EYS: variants seen among roughly 807,000 people sequenced by gnomAD.
EYS encodes the protein EGF-like photoreceptor maintenance factor.
EYS carries 250 observed loss-of-function variants against 282.1 expected under a neutral mutation model. That is an observed-to-expected ratio of 0.89 (90% CI 0.80 to 0.98). The LOEUF is 0.98. Among genes scored for constraint, EYS ranks in the 50% least tolerant of loss-of-function variants. The pLI is 0.00. For synonymous variants in EYS, 1,355 were observed against 1,282.9 expected, an observed-to-expected ratio of 1.06 and a Z score of -1.20; for missense variants, 4,016 against 3,709.0, an observed-to-expected ratio of 1.08 and a Z score of -2.15.
intron 36 of EYS, among the ~76,000 whole-genome samples, chr6:63,847,750 T>C (rs1391893510): frequency 1.3e-5 from 2 of 152,252 alleles, no homozygotes; most frequent in Non-Finnish European, 2.9e-5. Flanking sequence ...TTTCAGTCTA[T>C]TCAAGTTTAG....
chr6:64,611,628 T>C (rs1452332760), intron 24 of EYS, among the ~76,000 whole-genome samples: 1 of 152,182 alleles, frequency 6.6e-6, no homozygotes, highest in Non-Finnish European at 1.5e-5. Context: ...GCTCAACATA[T>C]ATTAGAGAAA....
chr6:64,262,006 TG>T (rs1767605899), intron 30 of EYS, among the ~76,000 whole-genome samples: 1 of 152,026 alleles, frequency 6.6e-6, no homozygotes, highest in South Asian at 2.1e-4. Context: ...TTGCTCGCCT[TG>T]GACTCCAAAA....
At chr6:64,528,311 G>T (rs1272310651) in intron 26 of EYS, among the ~76,000 whole-genome samples, 1 of 151,472 alleles carries the variant, frequency 6.6e-6, no homozygotes, top group Non-Finnish European at 1.5e-5. Flanking sequence ...TTTCACTTCC[G>T]CATCACTGCA....
At chr6:64,355,359 T>A (rs185681069) in intron 29 of EYS, among the ~76,000 whole-genome samples, 38 of 151,702 alleles carry the variant, frequency 2.5e-4, no homozygotes, top group Admixed American at 7.2e-4. Context: ...GAATAATAAA[T>A]CATCTACCTC....
At chr6:63,967,749 TTCTC>T (rs1295229605) in intron 35 of EYS, among the ~76,000 whole-genome samples, 3 of 152,172 alleles carry the variant, frequency 2.0e-5, no homozygotes, top group Non-Finnish European at 4.4e-5. Flanking sequence ...AGCCTTCACA[TTCTC>T]TCTTTTTCAA....
chr6:64,279,661 T>G (rs934821814), intron 30 of EYS, among the ~76,000 whole-genome samples: 1 of 152,218 alleles, frequency 6.6e-6, no homozygotes, highest in Non-Finnish European at 1.5e-5. Context: ...AGCTAAATTT[T>G]ATCCTTAGGC....
intron 10 of EYS, among the ~76,000 whole-genome samples, chr6:65,336,231 A>G (rs1241922120): frequency 1.3e-5 from 2 of 151,752 alleles, no homozygotes; most frequent in Non-Finnish European, 2.9e-5. Context: ...TGATATCACA[A>G]ATAAACTCTT....
intron 12 of EYS, among the ~76,000 whole-genome samples, chr6:65,176,928 G>A (rs1400464185): frequency 6.6e-6 from 1 of 151,374 alleles, no homozygotes; most frequent in Non-Finnish European, 1.5e-5. Context: ...GGAATTTTTA[G>A]GTATATGTTT....
rs1229565166 is a variant in EYS, at chr6:65,238,092, T to G, written c.2023+57771A>C. ...AACATTTTTCTTTTTTACCAAAGTT[T>G]GATTTCAGAACTTTAAAGTCTAACA... On this transcript the variant is annotated intron_variant, in intron 12 of 42. Coordinates refer to ENST00000503581, the MANE Select transcript of EYS (RefSeq NM_001142800.2). 3.3e-5 allele frequency among the ~76,000 whole-genome samples: 5 copies of G among 151,898 alleles called. No homozygotes were observed. The East Asian group carries it at 9.6e-4, about 29-fold the overall frequency.
At chr6:64,134,065 G>A (rs894248858) in intron 31 of EYS, among the ~76,000 whole-genome samples, 4 of 151,982 alleles carry the variant, frequency 2.6e-5, no homozygotes, top group African/African-American at 7.2e-5. Flanking sequence ...AGCAGGGAGG[G>A]TAGAGCCTAG....
chr6:64,641,928 C>T (rs1562107579), intron 22 of EYS, among the ~76,000 whole-genome samples: 1 of 152,172 alleles, frequency 6.6e-6, no homozygotes, highest in Non-Finnish European at 1.5e-5. Context: ...ACTACTCCTT[C>T]CTCCCATATG....
At chr6:64,973,485 A>C (rs1770367431) in intron 14 of EYS, among the ~76,000 whole-genome samples, 2 of 152,036 alleles carry the variant, frequency 1.3e-5, no homozygotes, top group African/African-American at 4.8e-5. Context: ...TTTTTATCAC[A>C]CTTTGTGGTG....
At chr6:63,785,370 C>G (rs1770335329) in intron 39 of EYS, among the ~76,000 whole-genome samples, 1 of 152,152 alleles carries the variant, frequency 6.6e-6, no homozygotes, top group African/African-American at 2.4e-5. Context: ...TTCCCTTCTT[C>G]CATATCTTCT....
At chr6:64,478,584 A>G (rs1273600434) in intron 26 of EYS, among the ~76,000 whole-genome samples, 1 of 151,104 alleles carries the variant, frequency 6.6e-6, no homozygotes, top group African/African-American at 2.4e-5. Flanking sequence ...TGACTGATAT[A>G]GTAAAAATAT....
intron 41 of EYS, among the ~76,000 whole-genome samples, chr6:63,737,596 G>T (rs982922699): frequency 2.3e-4 from 35 of 149,118 alleles, no homozygotes; most frequent in Non-Finnish European, 2.4e-4. Flanking sequence ...GATGATGCTG[G>T]CCTCATAAAA....
intron 26 of EYS, among the ~76,000 whole-genome samples, chr6:64,551,722 A>T (rs1417376825): frequency 2.6e-5 from 4 of 151,964 alleles, no homozygotes; most frequent in Non-Finnish European, 5.9e-5. Context: ...TTTTTAGTAG[A>T]GACAGGGTTT....
At chr6:64,820,864 C>T (rs1764877516) in intron 21 of EYS, among the ~76,000 whole-genome samples, 1 of 151,944 alleles carries the variant, frequency 6.6e-6, no homozygotes, top group South Asian at 2.1e-4. Flanking sequence ...CACACATGAC[C>T]CTGTGATGTC....
chr6:64,897,005 G>A (rs1767497017), intron 18 of EYS, among the ~76,000 whole-genome samples: 1 of 152,190 alleles, frequency 6.6e-6, no homozygotes, highest in Non-Finnish European at 1.5e-5. Flanking sequence ...GAGCACCTGA[G>A]GGAAGGGGCG....
At position 64,306,938 on chromosome 6, in the gene EYS, A is replaced by G. The variant is rs193097922; in HGVS notation, c.6191+32T>C. The stretch of plus-strand genomic sequence containing the variant: ...ATCTTTTGGTGTGGTTATTTGAACA[A>G]GTTATTAGAAAAATCACTACTGCTA... On this transcript the variant is annotated intron_variant, in intron 30 of 42. Coordinates refer to ENST00000503581, the MANE Select transcript of EYS (RefSeq NM_001142800.2). 3.9e-4 allele frequency: 387 copies of G among 990,566 alleles called. 3 individuals carry two copies. In the African/African-American group the frequency reaches 5.9e-3, roughly 15 times the overall value. 61.4% of individuals were successfully genotyped at this position (990,566 alleles called of 1,614,324 possible). A position where few individuals can be genotyped will look rare whatever the true frequency, so the allele number is the denominator to read the frequency against.
Sources: gnomAD v4.1 joint callset for allele counts (sites outside exome capture counted in the v4.1 genomes callset) on GRCh38, gnomAD v4.1.1 for gene constraint, MANE v1.5 for transcripts, NCBI Gene and HGNC (gene_info 2026-07-23, HGNC 2026-07-21) for gene names.